Variants in RPS24 observed in about 807,000 individuals in gnomAD.
RPS24 encodes the protein ribosomal protein S24.
For synonymous variants in RPS24, 72 were observed against 55.6 expected, an observed-to-expected ratio of 1.30 and a Z score of -1.31; for missense variants, 100 against 162.5, an observed-to-expected ratio of 0.62 and a Z score of 2.09.
downstream of RPS24, among the ~76,000 whole-genome samples, chr10:78,041,135 G>A (rs1440390903): frequency 6.6e-6 from 1 of 152,086 alleles, no homozygotes; most frequent in African/African-American, 2.4e-5. Context: ...CTGGCTTAGA[G>A]TCTAAAAAGT....
chr10:78,042,034 A>G (rs537232679), downstream of RPS24, among the ~76,000 whole-genome samples: 2 of 152,370 alleles, frequency 1.3e-5, no homozygotes, highest in East Asian at 1.9e-4. Context: ...TTGTGATATT[A>G]TAGAAAATGT....
At chr10:78,034,062 AGGGCGTCCGGGCTGGC>A in intron 1 of RPS24, 158 bp downstream of exon 1, 1 of 923,846 alleles carries the variant, frequency 1.1e-6, no homozygotes, top group Non-Finnish European at 1.8e-6. Context: ...GGCTGTTGGC[AGGGCGTCCGGGCTGGC>A]GGGCTGCGCT....
intron 4 of RPS24, among the ~76,000 whole-genome samples, chr10:78,053,764 A>G (rs990516170): frequency 6.6e-6 from 1 of 152,116 alleles, no homozygotes; most frequent in Admixed American, 6.5e-5. Flanking sequence ...GTCTCCCAGC[A>G]GGAAGCTCCT....
intron 4 of RPS24, chr10:78,037,902 C>CTTTTT (rs55902139): frequency 1.9e-4 from 73 of 379,912 alleles, no homozygotes; most frequent in Admixed American, 5.6e-4. Context: ...GTTCTGTGAA[C>CTTTTT]TTTTTTTTTT....
At chr10:78,035,288 A>T in intron 1 of RPS24, 64 bp from the exon 2 acceptor site, 1 of 1,502,634 alleles carries the variant, frequency 6.7e-7, no homozygotes, top group Non-Finnish European at 9.3e-7. Flanking sequence ...TAGGTCTTGG[A>T]AAATCACAGC....
rs947061849 is a variant in RPS24, at chr10:78,038,086, C to T, written c.390+782C>T. ...TTGGACGACAGTTTTATAGTATGGT[C>T]GATTATAATGCCAGTGCTATTTAGG... On this transcript the variant is annotated intron_variant, in intron 4 of 5. Transcript: ENST00000372360. The T allele has an allele frequency of 9.7e-6, 6 of 621,388 alleles. No individual in the cohort carries two copies. In the African/African-American group the frequency reaches 9.8e-5, roughly 10 times the overall value. The allele number at this position is 621,388 out of a possible 1,614,324, so 38.5% of individuals were successfully genotyped here.
chr10:78,052,498 A>AT (rs1429866074), intron 4 of RPS24, among the ~76,000 whole-genome samples: 2 of 152,126 alleles, frequency 1.3e-5, no homozygotes, highest in Non-Finnish European at 2.9e-5. Context: ...TATTGTCCCC[A>AT]TTTCATAGTG....
exon 5 of RPS24, chr10:78,055,094 CTGTGGAAA>C: frequency 6.9e-7 from 1 of 1,440,586 alleles, no homozygotes; most frequent in Non-Finnish European, 9.1e-7. Context: ...CAGCAGGGCA[CTGTGGAAA>C]TCGGAGTCAC....
exon 5 of RPS24, chr10:78,055,963 G>A (rs1446644249): frequency 6.6e-6 from 1 of 152,246 alleles, no homozygotes; most frequent in African/African-American, 2.4e-5. Context: ...GTGTTGGTCA[G>A]GGTGACCTCA....
At chr10:78,045,609 G>A (rs989427663), downstream of RPS24, among the ~76,000 whole-genome samples, 1 of 152,066 alleles carries the variant, frequency 6.6e-6, no homozygotes, top group Non-Finnish European at 1.5e-5. Context: ...AGTCTTCTGA[G>A]TAGCTGGAAC....
At chr10:78,034,247 G>C in intron 1 of RPS24, 1 of 470,992 alleles carries the variant, frequency 2.1e-6, no homozygotes. Context: ...CATTGGGCTA[G>C]GTAGGCGGCT....
Position 78,033,874 on chromosome 10 carries a change from C to T in RPS24, c.-28C>T, listed in dbSNP as rs773450735. The T allele has an allele frequency of 4.0e-5, 65 of 1,613,926 alleles. No individual in the cohort carries two copies. Among genetic ancestry groups the T allele is most frequent in the Middle Eastern group, 3.3e-4 (2 of 6,084 alleles). ...GGCGAATCGTGGTTCTCTTTTCCTC[C>T]TTGGCTGTCTGAAGATAGATCGCCA... On this transcript the variant is annotated 5_prime_UTR_variant, in exon 1 of 6. Transcript: ENST00000372360.
At chr10:78,034,328 C>A in intron 1 of RPS24, 1 of 270,110 alleles carries the variant, frequency 3.7e-6, no homozygotes, top group Non-Finnish European at 7.2e-6. Flanking sequence ...CAAGTGAAAC[C>A]ATTCCCACGT....
chr10:78,034,183 A>T (rs1043239619), intron 1 of RPS24: 1 of 9,340 alleles, frequency 1.1e-4, no homozygotes, highest in Non-Finnish European at 2.2e-4. Flanking sequence ...GGATGGGGGT[A>T]GGGGGCGGGC....
chr10:78,034,146 G>T, intron 1 of RPS24: 1 of 563,394 alleles, frequency 1.8e-6, no homozygotes, highest in South Asian at 2.2e-5. Flanking sequence ...AGGAGCTGTT[G>T]CGCTTGTTGA....
Position 78,040,276 on chromosome 10 carries a change from G to T in RPS24, c.*19+51G>T, listed in dbSNP as rs1373894376. ...CATGTAGATCACTAGACTCCTTGGT[G>T]TACTGACGTAGCAATTTAAAAGCAG... On this transcript the variant is annotated intron_variant, in intron 5 of 5. Transcript: ENST00000372360. 6.2e-6 allele frequency: 9 copies of T among 1,463,096 alleles called. No homozygotes were observed. In the East Asian group the frequency reaches 2.0e-4, roughly 33 times the overall value. The allele number at this position is 1,463,096 out of a possible 1,614,324, so 90.6% of individuals were successfully genotyped here.
exon 5 of RPS24, chr10:78,055,092 C>T: frequency 6.9e-7 from 1 of 1,442,906 alleles, no homozygotes; most frequent in Non-Finnish European, 9.1e-7. Flanking sequence ...GCCAGCAGGG[C>T]ACTGTGGAAA....
intron 4 of RPS24, chr10:78,037,881 A>C (rs1847906706): frequency 1.0e-6 from 1 of 986,456 alleles, no homozygotes; most frequent in Non-Finnish European, 1.4e-6. Context: ...TAAATTAACA[A>C]ATAATCAAGT....
At chr10:78,045,995 C>T (rs547646257) in intron 4 of RPS24, among the ~76,000 whole-genome samples, 1 of 152,168 alleles carries the variant, frequency 6.6e-6, no homozygotes, top group South Asian at 2.1e-4. Flanking sequence ...GAGCGAGGCT[C>T]TGTCTCAAAA....
Sources: gnomAD v4.1 joint callset for allele counts (sites outside exome capture counted in the v4.1 genomes callset) on GRCh38, gnomAD v4.1.1 for gene constraint, MANE v1.5 for transcripts, NCBI Gene and HGNC (gene_info 2026-07-23, HGNC 2026-07-21) for gene names.